The following FMO4 variants were observed in gnomAD, a reference collection of about 807,000 sequenced individuals.
FMO4 encodes dimethylaniline monooxygenase [N-oxide-forming] 4.
Under a neutral mutation model 43.3 loss-of-function variants are expected in FMO4, and 38 were observed. That is an observed-to-expected ratio of 0.88 (90% CI 0.68 to 1.15). The LOEUF (loss-of-function observed/expected upper bound fraction) is 1.15. Among genes scored for constraint, FMO4 ranks in the 50% most tolerant of loss-of-function variants. The probability of loss-of-function intolerance (pLI) is 0.00; values close to 1 mark genes in which losing one functional copy is unlikely to be tolerated. For missense variants in FMO4, 631 were observed against 663.3 expected (o/e 0.95, Z 0.54); for synonymous variants, 224 against 232.2 (o/e 0.96, Z 0.32).
In FMO4 at chr1:171,337,427, T is replaced by C. The variant is rs1433384678; in HGVS notation, c.1250+2T>C. 1.2e-6 allele frequency: 2 copies of C among 1,602,318 alleles called. No individual in the cohort carries two copies. The highest frequency in any genetic ancestry group is 2.2e-5 in the South Asian group (2 of 90,846). On this transcript the variant is annotated splice_donor_variant, in intron 9 of 9. Transcript: ENST00000367749. LOFTEE classifies it high-confidence loss of function. ...TGAAAAGGAACAGCTCATTAAAAGG[T>C]ATGAAATGTAGCTTGCTCTAGGGCA... is the stretch of plus-strand genomic sequence containing the variant.
intron 5 of FMO4, among the ~76,000 whole-genome samples, chr1:171,329,665 T>C (rs1487822037): frequency 6.6e-6 from 1 of 152,118 alleles, no homozygotes; most frequent in African/African-American, 2.4e-5. Context: ...TTGAAGCCCC[T>C]CACACCTGGC....
At position 171,328,378 on chromosome 1, in the gene FMO4, C is replaced by T. The variant is rs561758545; in HGVS notation, c.485-3262C>T. Among the ~76,000 whole-genome samples, 102 of 151,916 alleles carry T rather than the reference C, an allele frequency of 6.7e-4. 1 individual carries two copies. Among genetic ancestry groups the T allele is most frequent in the South Asian group, 2.5e-3 (12 of 4,768 alleles). On this transcript the variant is annotated intron_variant, in intron 5 of 9. Transcript: ENST00000367749. ...ATTCTTTGAGGATATGGGTCGGGCG[C>T]GGTGGCTCACACCTATAATCCCAGC...
chr1:171,319,704 C>A, intron 2 of FMO4, 114 bp from the exon 3 acceptor site: 1 of 795,698 alleles, frequency 1.3e-6, no homozygotes, highest in Non-Finnish European at 2.0e-6. Context: ...GATTCTGCCC[C>A]CACTCAAAGA....
In FMO4 at chr1:171,320,811, A is replaced by G. The variant is rs371722643; in HGVS notation, c.132+854A>G. ...GGCGGCATAGTGAGACCCTATCTCT[A>G]CAAAAAATAAAATGAAAAACAAACA... On this transcript the variant is annotated intron_variant, in intron 3 of 9. Transcript: ENST00000367749. Among the ~76,000 whole-genome samples, 20 of 151,668 alleles carry G rather than the reference A, an allele frequency of 1.3e-4. 1 individual carries two copies. Among genetic ancestry groups the G allele is most frequent in the Admixed American group, 6.5e-4 (10 of 15,292 alleles).
intron 5 of FMO4, among the ~76,000 whole-genome samples, chr1:171,331,207 CAAA>C (rs969813872): frequency 6.6e-6 from 1 of 152,054 alleles, no homozygotes; most frequent in Admixed American, 6.5e-5. Context: ...ATTCAGTATC[CAAA>C]AGAAGATGTC....
intron 3 of FMO4, among the ~76,000 whole-genome samples, chr1:171,321,320 A>G (rs1311321682): frequency 1.3e-5 from 2 of 152,196 alleles, no homozygotes; most frequent in Non-Finnish European, 2.9e-5. Flanking sequence ...AGTCATATAT[A>G]TACAGTTGTC....
At chr1:171,335,961 G>A (rs1663097272) in intron 8 of FMO4, among the ~76,000 whole-genome samples, 1 of 152,148 alleles carries the variant, frequency 6.6e-6, no homozygotes, top group Admixed American at 6.6e-5. Context: ...TTATTAGAAT[G>A]ATAAAGCTGA....
intron 6 of FMO4, 67 bp downstream of exon 6, chr1:171,331,849 A>G: frequency 6.8e-7 from 1 of 1,460,152 alleles, no homozygotes; most frequent in South Asian, 1.2e-5. Context: ...AGAGATATTC[A>G]AAACTATGAA....
intron 4 of FMO4, 47 bp downstream of exon 4, chr1:171,323,239 A>G (rs765945019): frequency 1.6e-6 from 2 of 1,243,972 alleles, no homozygotes; most frequent in African/African-American, 1.5e-5. Context: ...GGGCTGGCCT[A>G]TTCAGCAATC....
intron 2 of FMO4, among the ~76,000 whole-genome samples, chr1:171,317,923 C>T (rs1406577722): frequency 6.6e-6 from 1 of 152,134 alleles, no homozygotes; most frequent in East Asian, 1.9e-4. Context: ...TAGCAAAGAG[C>T]CCCTTTAATA....
At chr1:171,324,035 T>C (rs1662549556) in intron 4 of FMO4, 103 bp from the exon 5 acceptor site, 6 of 1,036,726 alleles carry the variant, frequency 5.8e-6, no homozygotes, top group Non-Finnish European at 8.2e-6. Flanking sequence ...CCTCCTGTCA[T>C]GGGACTTGGC....
intron 7 of FMO4, 75 bp downstream of exon 7, chr1:171,332,983 T>C (rs1662965976): frequency 1.3e-6 from 1 of 778,510 alleles, no homozygotes. Context: ...GAATTCAAAA[T>C]GTTCAATAAT....
chr1:171,324,478 C>G (rs1026091553), intron 5 of FMO4, among the ~76,000 whole-genome samples, 178 bp downstream of exon 5: 2 of 152,084 alleles, frequency 1.3e-5, no homozygotes, highest in African/African-American at 4.8e-5. Context: ...GGTGTCAGGT[C>G]TTATTTATTT....
In FMO4 at chr1:171,331,716, CT is replaced by C. The variant is rs1396862532; in HGVS notation, c.563del (p.Leu188TrpfsTer2). On this transcript the variant is annotated frameshift_variant, in exon 6 of 10. Coordinates refer to ENST00000367749, the MANE Select transcript of FMO4 (RefSeq NM_002022.3). LOFTEE classifies it high-confidence loss of function. ...IPEGFQGKRVLVIGLGNTGGD... is the reference protein window; with the variant it reads ...IPEGFQGKRVXVIGLGNTGGD... The stretch of plus-strand genomic sequence containing the variant: ...CAGAAGGCTTTCAGGGCAAACGCGT[CT>C]TGGTGATTGGTCTTGGGAACACTGG... 3 of 1,613,938 alleles carry C rather than the reference CT, an allele frequency of 1.9e-6. No individual in the cohort carries two copies. The East Asian group carries it at 6.7e-5, about 36-fold the overall frequency.
At chr1:171,333,366 G>A (rs1224498556) in intron 7 of FMO4, among the ~76,000 whole-genome samples, 1 of 152,120 alleles carries the variant, frequency 6.6e-6, no homozygotes, top group Non-Finnish European at 1.5e-5. Context: ...TAGGACTACA[G>A]GCACAGGCCA....
intron 6 of FMO4, 102 bp downstream of exon 6, chr1:171,331,884 T>C (rs1029377150): frequency 3.0e-6 from 3 of 1,007,032 alleles, no homozygotes; most frequent in African/African-American, 1.6e-5. Context: ...TGCTAAATTA[T>C]GCAGACACAC....
At chr1:171,314,478 A>G (rs1244016823) in intron 1 of FMO4, 65 bp downstream of exon 1, 1 of 152,120 alleles carries the variant, frequency 6.6e-6, no homozygotes, top group Non-Finnish European at 1.5e-5. Flanking sequence ...CAAAAGATGA[A>G]TGTTTTTCTT....
intron 4 of FMO4, among the ~76,000 whole-genome samples, 162 bp downstream of exon 4, chr1:171,323,354 C>A (rs931423709): frequency 1.3e-5 from 2 of 152,076 alleles, no homozygotes; most frequent in Non-Finnish European, 2.9e-5. Flanking sequence ...AAGTTTTACT[C>A]GAATAAATCG....
chr1:171,325,887 G>A (rs956724198), intron 5 of FMO4, among the ~76,000 whole-genome samples: 1 of 108,398 alleles, frequency 9.2e-6, no homozygotes, highest in African/African-American at 3.5e-5. Flanking sequence ...TCACTCTGTT[G>A]CCTGAGCTGG....
Sources: gnomAD v4.1 joint callset for allele counts (sites outside exome capture counted in the v4.1 genomes callset) on GRCh38, gnomAD v4.1.1 for gene constraint, MANE v1.5 for transcripts, NCBI Gene and HGNC (gene_info 2026-07-23, HGNC 2026-07-21) for gene names.